The following NEURL1B variants were observed in gnomAD, a reference collection of about 807,000 sequenced individuals.
NEURL1B encodes the protein neuralized E3 ubiquitin protein ligase 1B.
In NEURL1B, 13 loss-of-function variants were observed where a neutral mutation model predicts 37.4. The observed-to-expected ratio is 0.35, with a 90% CI of 0.23 to 0.55. The LOEUF (loss-of-function observed/expected upper bound fraction) is 0.55, where lower values mean the gene tolerates loss of function less well. Ranked by LOEUF, NEURL1B falls within the 20% of genes least tolerant of loss-of-function variation. The pLI is 0.89. For synonymous variants in NEURL1B, 432 were observed against 426.6 expected (o/e 1.01, Z -0.16); for missense variants, 790 against 879.2 (o/e 0.90, Z 1.28).
chr5:172,646,487 G>A (rs1757562543), intron 1 of NEURL1B, among the ~76,000 whole-genome samples: 1 of 152,204 alleles, frequency 6.6e-6, no homozygotes, highest in African/African-American at 2.4e-5. Flanking sequence ...AGGGGCTGAA[G>A]ATGGGGAGGC....
At chr5:172,656,743 A>G in intron 1 of NEURL1B, 1 of 872,466 alleles carries the variant, frequency 1.1e-6, no homozygotes, top group Non-Finnish European at 1.9e-6. Context: ...CCAGAAGTTA[A>G]GTTTAAAAGT....
In NEURL1B at chr5:172,676,342, A is replaced by G. The variant is rs1222230251; in HGVS notation, c.577+6012A>G. On this transcript the variant is annotated intron_variant, in intron 2 of 4. Transcript: ENST00000369800. This position sits in a 1 kb window ranked among gnomAD's most constrained non-coding sequence, Gnocchi z 4.5. ...CAGCTGGACTGTCCCTTTGGGGTGG[A>G]GGAAAGGCCACCAGCATTTCCAGTC... Among the ~76,000 whole-genome samples the G allele has an allele frequency of 6.6e-6, 1 of 152,096 alleles. No homozygotes were observed. The highest frequency in any genetic ancestry group is 1.9e-4 in the East Asian group (1 of 5,198).
rs750805842 is a variant in NEURL1B at position 172,665,097 on chromosome 5, C to T, written c.32-4688C>T. On this transcript the variant is annotated intron_variant, in intron 1 of 4. Coordinates refer to ENST00000369800, the MANE Select transcript of NEURL1B (RefSeq NM_001142651.3). This position sits in a 1 kb window ranked among gnomAD's most constrained non-coding sequence, Gnocchi z 4.1. ...AAACTCTCTGACTGAGAGATGAGGT[C>T]GGAAAACAACAGTGATGGGGAGGGG... is the stretch of plus-strand genomic sequence containing the variant. Among the ~76,000 whole-genome samples the T allele has an allele frequency of 6.6e-6, 1 of 152,158 alleles. No individual in the cohort carries two copies. Among genetic ancestry groups the T allele is most frequent in the East Asian group, 1.9e-4 (1 of 5,196 alleles).
rs1189228137 is a variant in NEURL1B, at chr5:172,684,083, G to A, written c.1242G>A (p.Ala414=). The A allele has an allele frequency of 1.5e-6, 2 of 1,295,794 alleles. No individual in the cohort carries two copies. The highest frequency in any genetic ancestry group is 2.0e-6 in the Non-Finnish European group (2 of 1,021,664). The allele number at this position is 1,295,794 out of a possible 1,614,324, so 80.3% of individuals were successfully genotyped here. Residue 414 remains alanine, a synonymous_variant, in exon 3 of 5, where the codon GCG becomes GCA. Transcript: ENST00000369800. ...TGCTGTGCGTCGACACCACGCAGGCGCTCTGGGCCTTCTTCGCCGTGCGCG... is the reference window on the plus strand; with the variant it reads ...TGCTGTGCGTCGACACCACGCAGGCACTCTGGGCCTTCTTCGCCGTGCGCG... The part of the protein sequence containing the change: ...GRLLCVDTTQ[A]LWAFFAVRGG...
intron 1 of NEURL1B, among the ~76,000 whole-genome samples, chr5:172,648,460 C>T (rs911739532): frequency 6.6e-6 from 1 of 152,218 alleles, no homozygotes; most frequent in Non-Finnish European, 1.5e-5. Context: ...CAGGTACGTC[C>T]ATGTCTATCA....
chr5:172,668,195 G>A (rs1357271290), intron 1 of NEURL1B, among the ~76,000 whole-genome samples: 1 of 152,060 alleles, frequency 6.6e-6, no homozygotes, highest in African/African-American at 2.4e-5. Context: ...CTCCATCAGA[G>A]CAACAGCCTT....
In NEURL1B at chr5:172,684,128, G is replaced by A. The variant is rs553570866; in HGVS notation, c.1287G>A (p.Leu429=). The A allele has an allele frequency of 9.4e-5, 118 of 1,251,922 alleles. No homozygotes were observed. In the East Asian group the frequency reaches 3.6e-3, roughly 38 times the overall value. 77.6% of individuals were successfully genotyped at this position (1,251,922 alleles called of 1,614,324 possible). A position where few individuals can be genotyped will look rare whatever the true frequency, so the allele number is the denominator to read the frequency against. Residue 429 remains leucine (L), a synonymous_variant, in exon 3 of 5, where the codon CTG becomes CTA. Transcript: ENST00000369800. ...FAVRGGVAGQ[L]RLLGTLQSSP... ...TGCGCGGCGGCGTCGCGGGCCAGCT[G>A]CGTCTCCTCGGTGAGTCCCCGGCCC...
intron 1 of NEURL1B, among the ~76,000 whole-genome samples, chr5:172,651,197 T>A (rs529820645): frequency 1.3e-5 from 2 of 152,352 alleles, no homozygotes; most frequent in African/African-American, 4.8e-5. Flanking sequence ...AAACTTTTTT[T>A]AACATGTCTT....
At chr5:172,649,676 C>A (rs901550390) in intron 1 of NEURL1B, among the ~76,000 whole-genome samples, 11 of 152,158 alleles carry the variant, frequency 7.2e-5, no homozygotes, top group Non-Finnish European at 1.5e-4. Context: ...CCCTTCACAT[C>A]TTTCACTTAG....
Position 172,657,721 on chromosome 5 carries a change from G to A in NEURL1B, c.32-12064G>A, listed in dbSNP as rs78296131. ...AAGGGAGTCTCCTTTCCTTGGAGGA[G>A]TCAGGGCACACTCTGCTCCACCAGC... On this transcript the variant is annotated intron_variant, in intron 1 of 4. Transcript: ENST00000369800. This position sits in a 1 kb window ranked among gnomAD's most constrained non-coding sequence, Gnocchi z 4.0. 5.1e-4 allele frequency among the ~76,000 whole-genome samples: 77 copies of A among 152,218 alleles called. No individual in the cohort carries two copies. Among genetic ancestry groups the A allele is most frequent in the African/African-American group, 1.7e-3 (72 of 41,532 alleles).
At position 172,647,257 on chromosome 5, in the gene NEURL1B, G is replaced by A. The variant is rs1249635189; in HGVS notation, c.31+5820G>A. Among the ~76,000 whole-genome samples, 2 of 152,160 alleles carry A rather than the reference G, an allele frequency of 1.3e-5. No individual in the cohort carries two copies. Among genetic ancestry groups the A allele is most frequent in the Non-Finnish European group, 2.9e-5 (2 of 68,016 alleles). ...GCTTAGAGCAGAGAGGGAAGAGGGA[G>A]GGCGCCAGGTCGCAGCCCGACAGGT... On this transcript the variant is annotated intron_variant, in intron 1 of 4. Coordinates refer to ENST00000369800, the MANE Select transcript of NEURL1B (RefSeq NM_001142651.3). The surrounding 1 kb of genome is among the most constrained non-coding windows in gnomAD (Gnocchi z 4.2).
At position 172,687,342 on chromosome 5, in the gene NEURL1B, G is replaced by T; in HGVS notation, c.*417G>T. The stretch of plus-strand genomic sequence containing the variant: ...ATGAACGTGTAGCGATTTTACCAGG[G>T]GTCCCGGCTCCGGGAGGAGACGTGC... On this transcript the variant is annotated 3_prime_UTR_variant, in exon 5 of 5. Coordinates refer to ENST00000369800, the MANE Select transcript of NEURL1B (RefSeq NM_001142651.3). The T allele has an allele frequency of 5.9e-6, 1 of 169,482 alleles. No homozygotes were observed. Among genetic ancestry groups the T allele is most frequent in the Admixed American group, 5.7e-5 (1 of 17,682 alleles). 10.5% of individuals were successfully genotyped at this position (169,482 alleles called of 1,614,324 possible).
chr5:172,681,101 T>G (rs1294516539), intron 2 of NEURL1B, among the ~76,000 whole-genome samples: 4 of 151,860 alleles, frequency 2.6e-5, no homozygotes, highest in African/African-American at 9.7e-5. Context: ...GTGCTACACT[T>G]CTCAACAACC....
chr5:172,647,374 G>A lies in NEURL1B; in HGVS notation c.31+5937G>A, dbSNP rs117072607. On this transcript the variant is annotated intron_variant, in intron 1 of 4. Transcript: ENST00000369800. This position sits in a 1 kb window ranked among gnomAD's most constrained non-coding sequence, Gnocchi z 4.2. ...CCCTTTATTCCATCCCATTGAAGCC[G>A]TCATGAGAGCCTTGCGAGGCAGTCT... Among the ~76,000 whole-genome samples, 23 of 152,256 alleles carry A rather than the reference G, an allele frequency of 1.5e-4. No homozygotes were observed. The East Asian group carries it at 4.3e-3, about 28-fold the overall frequency.
At position 172,688,306 on chromosome 5, in the gene NEURL1B, AC is replaced by A. The variant is rs1204628958; in HGVS notation, c.*1383del. 1 of 152,736 alleles carries A rather than the reference AC, an allele frequency of 6.5e-6. No homozygotes were observed. The highest frequency in any genetic ancestry group is 1.9e-4 in the East Asian group (1 of 5,200). 9.5% of individuals were successfully genotyped at this position (152,736 alleles called of 1,614,324 possible). A position where few individuals can be genotyped will look rare whatever the true frequency, so the allele number is the denominator to read the frequency against. On this transcript the variant is annotated 3_prime_UTR_variant, in exon 5 of 5. Transcript: ENST00000369800. This position sits in a 1 kb window ranked among gnomAD's most constrained non-coding sequence, Gnocchi z 4.3. The stretch of plus-strand genomic sequence containing the variant: ...TTCAGTTCCCAATTAGAAGTCTAGA[AC>A]CTGACAACTCCAGGAGTTCTTGGGA...
intron 1 of NEURL1B, chr5:172,656,768 T>A: frequency 2.8e-6 from 2 of 726,944 alleles, no homozygotes; most frequent in Non-Finnish European, 4.8e-6. Flanking sequence ...GGCAAAGAAT[T>A]GAACACACTG....
chr5:172,684,227 C>T (rs1443363995), intron 3 of NEURL1B, 89 bp downstream of exon 3: 9 of 1,089,274 alleles, frequency 8.3e-6, no homozygotes, highest in East Asian at 7.5e-5. Flanking sequence ...GGCCCCGCCC[C>T]TCTCGCTAGG....
intron 1 of NEURL1B, among the ~76,000 whole-genome samples, chr5:172,666,823 G>A (rs933008696): frequency 6.6e-6 from 1 of 152,150 alleles, no homozygotes; most frequent in African/African-American, 2.4e-5. Context: ...CCCTGCATCA[G>A]GGGAGGCCTG....
At chr5:172,679,028 AGT>A (rs1758292729) in intron 2 of NEURL1B, among the ~76,000 whole-genome samples, 2 of 152,216 alleles carry the variant, frequency 1.3e-5, no homozygotes, top group South Asian at 4.1e-4. Flanking sequence ...GGACTGCTGC[AGT>A]GTGTTGGTAC....
Sources: allele counts gnomAD v4.1 joint callset (sites outside exome capture counted in the v4.1 genomes callset), GRCh38; gene constraint gnomAD v4.1.1; non-coding constraint Gnocchi (gnomAD v3.1); transcripts MANE v1.5; gene names NCBI Gene and HGNC (gene_info 2026-07-23, HGNC 2026-07-21).